Variants in PEX7 observed in about 807,000 individuals in gnomAD.
The protein encoded by PEX7 is PTS2 receptor.
Under a neutral mutation model 47.5 loss-of-function variants are expected in PEX7, and 34 were observed. The ratio of observed to expected loss-of-function variants is 0.72; its 90% CI spans 0.54 to 0.95. The LOEUF is 0.95. PEX7 is among the 40% of genes least tolerant of loss of function. The pLI is 0.00. For missense variants in PEX7, 394 were observed against 400.3 expected (o/e 0.98, Z 0.13); for synonymous variants, 141 against 148.8 (o/e 0.95, Z 0.38).
intron 8 of PEX7, among the ~76,000 whole-genome samples, chr6:136,896,916 G>A (rs922507796): frequency 2.6e-5 from 4 of 152,130 alleles, no homozygotes; most frequent in Non-Finnish European, 4.4e-5. Flanking sequence ...ACTGTCTCTA[G>A]AATTCAAAGA....
intron 3 of PEX7, among the ~76,000 whole-genome samples, chr6:136,830,950 G>T (rs1285536740): frequency 2.6e-5 from 4 of 152,088 alleles, no homozygotes; most frequent in Admixed American, 6.5e-5. Flanking sequence ...ACAACTATTA[G>T]TATTCTGTTA....
chr6:136,826,072 G>C (rs553588521), intron 2 of PEX7, among the ~76,000 whole-genome samples: 132 of 152,192 alleles, frequency 8.7e-4, no homozygotes, highest in African/African-American at 2.4e-3. Context: ...GCAGTATACT[G>C]TGTACTATTA....
At chr6:136,911,344 C>T (rs1202509992) in intron 9 of PEX7, among the ~76,000 whole-genome samples, 2 of 152,146 alleles carry the variant, frequency 1.3e-5, no homozygotes, top group East Asian at 1.9e-4. Flanking sequence ...TTTTGCTGAG[C>T]ACATGCTGTT....
In PEX7 at chr6:136,845,605, A is replaced by G. The variant is rs267608255; in HGVS notation, c.340-10A>G. The G allele has an allele frequency of 6.8e-5, 105 of 1,551,508 alleles. No individual in the cohort carries two copies. Among genetic ancestry groups the G allele is most frequent in the Admixed American group, 6.7e-5 (4 of 59,938 alleles). ...TCTTTTGCTTTCTAAACACTTTTCAATGTTTTTAGGTGTATAGTGTTGATT... is the reference window on the plus strand; with the variant it reads ...TCTTTTGCTTTCTAAACACTTTTCAGTGTTTTTAGGTGTATAGTGTTGATT... On this transcript the variant is annotated splice_polypyrimidine_tract_variant and intron_variant, in intron 3 of 9. Transcript: ENST00000318471.
At chr6:136,875,535 T>C (rs1775255622) in intron 8 of PEX7, among the ~76,000 whole-genome samples, 1 of 152,232 alleles carries the variant, frequency 6.6e-6, no homozygotes, top group Admixed American at 6.5e-5. Context: ...TTCTGTTCTA[T>C]GGAACATATT....
chr6:136,853,657 T>G (rs1774802115), intron 5 of PEX7, among the ~76,000 whole-genome samples: 1 of 152,162 alleles, frequency 6.6e-6, no homozygotes, highest in African/African-American at 2.4e-5. Flanking sequence ...AATGGAAACC[T>G]TCAGGTAAAT....
At chr6:136,911,218 GT>G (rs751543356) in intron 9 of PEX7, among the ~76,000 whole-genome samples, 2 of 151,896 alleles carry the variant, frequency 1.3e-5, no homozygotes, top group African/African-American at 2.4e-5. Flanking sequence ...CCTTAGATGA[GT>G]TTTGCCTGTC....
At chr6:136,838,934 C>G (rs767610515) in intron 3 of PEX7, among the ~76,000 whole-genome samples, 1 of 152,094 alleles carries the variant, frequency 6.6e-6, no homozygotes, top group Non-Finnish European at 1.5e-5. Flanking sequence ...GTAATTCCAG[C>G]ACTTTGGAAG....
In PEX7 at chr6:136,830,563, A is replaced by G. The variant is rs577914280; in HGVS notation, c.339+4094A>G. 2.0e-5 allele frequency among the ~76,000 whole-genome samples: 3 copies of G among 152,330 alleles called. No individual in the cohort carries two copies. The South Asian group carries it at 6.2e-4, about 32-fold the overall frequency. ...TTAACTGGTGTCTGCAGAGGTCATT[A>G]TGTCTTTTGAGTCCCATAAAATGCC... On this transcript the variant is annotated intron_variant, in intron 3 of 9. Coordinates refer to ENST00000318471, the MANE Select transcript of PEX7 (RefSeq NM_000288.4).
intron 1 of PEX7, 165 bp downstream of exon 1, chr6:136,822,960 G>A: frequency 1.0e-6 from 1 of 985,486 alleles, no homozygotes. Context: ...TCCTTTCTTT[G>A]CCGAGTGCGA....
chr6:136,857,532 C>T (rs913249492), intron 5 of PEX7, among the ~76,000 whole-genome samples: 4 of 152,132 alleles, frequency 2.6e-5, no homozygotes, highest in African/African-American at 9.7e-5. Flanking sequence ...AAGACAAAAT[C>T]TAGAAGCAGC....
At chr6:136,825,992 A>G (rs1268495602) in intron 2 of PEX7, among the ~76,000 whole-genome samples, 3 of 152,300 alleles carry the variant, frequency 2.0e-5, no homozygotes, top group African/African-American at 7.2e-5. Context: ...ATAAAAAACA[A>G]AACAAATCTG....
chr6:136,847,863 T>A (rs531290273), intron 5 of PEX7, among the ~76,000 whole-genome samples: 1 of 152,328 alleles, frequency 6.6e-6, no homozygotes, highest in Admixed American at 6.5e-5. Context: ...TTAAAATAGT[T>A]TTTTCCAATT....
intron 3 of PEX7, among the ~76,000 whole-genome samples, chr6:136,832,276 T>C (rs965395668): frequency 1.4e-4 from 21 of 152,356 alleles, no homozygotes; most frequent in Non-Finnish European, 5.9e-5. Flanking sequence ...GTACCTTGGC[T>C]CCTTTTAGCC....
chr6:136,827,260 C>CTTGAT (rs1446763531), intron 3 of PEX7, among the ~76,000 whole-genome samples: 10 of 152,224 alleles, frequency 6.6e-5, no homozygotes, highest in African/African-American at 2.4e-4. Flanking sequence ...TGTTTTATAG[C>CTTGAT]TGTAGCTATT....
intron 8 of PEX7, among the ~76,000 whole-genome samples, chr6:136,896,865 A>G (rs1419501772): frequency 1.3e-5 from 2 of 152,226 alleles, no homozygotes; most frequent in Non-Finnish European, 2.9e-5. Flanking sequence ...TGCTTCTCTC[A>G]ACATTATCGG....
chr6:136,859,366 G>A (rs1357889232), intron 5 of PEX7, among the ~76,000 whole-genome samples: 3 of 152,018 alleles, frequency 2.0e-5, no homozygotes, highest in African/African-American at 7.2e-5. Context: ...GAATATTTGA[G>A]CTCTTTTTAT....
intron 5 of PEX7, among the ~76,000 whole-genome samples, chr6:136,859,502 A>C (rs1774919110): frequency 6.6e-6 from 1 of 152,126 alleles, no homozygotes; most frequent in South Asian, 2.1e-4. Context: ...TAGTTAAAGC[A>C]AACCTCGTTC....
intron 5 of PEX7, among the ~76,000 whole-genome samples, chr6:136,865,740 C>T (rs149299310): frequency 4.2e-4 from 64 of 152,148 alleles, no homozygotes; most frequent in Admixed American, 3.7e-3. Context: ...ACCGTGCCTC[C>T]GCACTCCAGC....
Sources: allele counts gnomAD v4.1 joint callset (sites outside exome capture counted in the v4.1 genomes callset), GRCh38; gene constraint gnomAD v4.1.1; transcripts MANE v1.5; gene names NCBI Gene and HGNC (gene_info 2026-07-23, HGNC 2026-07-21).